Variants in PCDH9 observed in about 807,000 individuals in gnomAD.
The protein encoded by PCDH9 is protocadherin 9.
PCDH9 carries 24 observed loss-of-function variants against 70.6 expected under a neutral mutation model. The observed-to-expected ratio is 0.34, with a 90% CI of 0.25 to 0.48. PCDH9 has a LOEUF of 0.48. PCDH9 is among the 20% of genes least tolerant of loss of function. The pLI, the probability that PCDH9 is intolerant of heterozygous loss-of-function variation, is 0.99. For missense variants in PCDH9, 1,281 were observed against 1,503.6 expected (o/e 0.85, Z 2.45); for synonymous variants, 562 against 558.5 (o/e 1.01, Z -0.09).
intron 4 of PCDH9, among the ~76,000 whole-genome samples, chr13:66,484,766 T>C (rs1353832202): frequency 6.6e-6 from 1 of 152,158 alleles, no homozygotes; most frequent in African/African-American, 2.4e-5. Context: ...TCAAACTCTG[T>C]CCTGGGAATA....
intron 4 of PCDH9, among the ~76,000 whole-genome samples, chr13:66,415,130 A>T (rs2138333362): frequency 6.6e-6 from 1 of 152,270 alleles, no homozygotes; most frequent in South Asian, 2.1e-4. Context: ...AGATGAATAC[A>T]TTTTAGATAT....
intron 3 of PCDH9, among the ~76,000 whole-genome samples, chr13:66,638,438 C>T (rs1423496493): frequency 6.6e-6 from 1 of 151,992 alleles, no homozygotes; most frequent in Non-Finnish European, 1.5e-5. Context: ...AGATCTGTTG[C>T]CAGCCATAAA....
chr13:67,084,984 AAAAAAAAAAAAAAATAT>A (rs1326354069), intron 2 of PCDH9, among the ~76,000 whole-genome samples: 9 of 79,184 alleles, frequency 1.1e-4, no homozygotes, highest in Non-Finnish European at 1.5e-4. Context: ...AAAAAAAAAA[AAAAAAAAAAAAAAATAT>A]ATATATATAT....
At chr13:66,716,281 G>C (rs2078865151) in intron 3 of PCDH9, among the ~76,000 whole-genome samples, 1 of 152,168 alleles carries the variant, frequency 6.6e-6, no homozygotes, top group Non-Finnish European at 1.5e-5. Flanking sequence ...TGGGTTACTT[G>C]TTCCATGTTT....
At chr13:66,463,786 G>T (rs951524015) in intron 4 of PCDH9, among the ~76,000 whole-genome samples, 1 of 151,712 alleles carries the variant, frequency 6.6e-6, no homozygotes, top group African/African-American at 2.4e-5. Context: ...TATACAGCAG[G>T]AGAGATGAGG....
At chr13:66,594,979 G>C (rs7995531) in intron 4 of PCDH9, among the ~76,000 whole-genome samples, 20,727 of 145,818 alleles carry the variant, frequency 0.14, 1,686 homozygotes, top group Middle Eastern at 0.23. Flanking sequence ...CTTTTTCTTA[G>C]AGCATTTACT....
intron 3 of PCDH9, among the ~76,000 whole-genome samples, chr13:66,663,225 T>C (rs2078042263): frequency 6.6e-6 from 1 of 152,180 alleles, no homozygotes; most frequent in East Asian, 1.9e-4. Context: ...ATTTATGAGA[T>C]TGATGTCCTG....
chr13:66,502,498 T>C (rs955498397), intron 4 of PCDH9, among the ~76,000 whole-genome samples: 3 of 152,170 alleles, frequency 2.0e-5, no homozygotes, highest in African/African-American at 4.8e-5. Flanking sequence ...AACAAAACTA[T>C]ATAAACACAC....
At chr13:66,910,675 T>C (rs1487579875) in intron 2 of PCDH9, among the ~76,000 whole-genome samples, 4 of 152,210 alleles carry the variant, frequency 2.6e-5, no homozygotes, top group African/African-American at 4.8e-5. Flanking sequence ...TTTTATATGC[T>C]ATTCCAAGAT....
intron 4 of PCDH9, among the ~76,000 whole-genome samples, chr13:66,399,171 T>C (rs1338142070): frequency 6.6e-6 from 1 of 152,210 alleles, no homozygotes; most frequent in African/African-American, 2.4e-5. Context: ...ATATGAAATC[T>C]CCTAGCACAC....
chr13:66,587,595 G>C (rs2076980274), intron 4 of PCDH9, among the ~76,000 whole-genome samples: 1 of 151,992 alleles, frequency 6.6e-6, no homozygotes, highest in Non-Finnish European at 1.5e-5. Context: ...CTCAACCCCA[G>C]TTATTTATCA....
At chr13:66,882,867 T>C (rs575624353) in intron 3 of PCDH9, among the ~76,000 whole-genome samples, 35 of 152,194 alleles carry the variant, frequency 2.3e-4, no homozygotes, top group Non-Finnish European at 3.8e-4. Context: ...ATTATCTTAA[T>C]TGAAGATAAA....
At chr13:66,858,908 T>C (rs1191668583) in intron 3 of PCDH9, 1 of 152,220 alleles carries the variant, frequency 6.6e-6, no homozygotes, top group Admixed American at 6.5e-5. Flanking sequence ...AAGCCCCTTC[T>C]GTTGTCTCTC....
intron 2 of PCDH9, among the ~76,000 whole-genome samples, chr13:66,998,876 A>G (rs2084178009): frequency 6.6e-6 from 1 of 152,242 alleles, no homozygotes; most frequent in Admixed American, 6.5e-5. Flanking sequence ...ACACAATGAA[A>G]GCGCCACAAA....
intron 4 of PCDH9, among the ~76,000 whole-genome samples, chr13:66,470,217 T>C (rs1958591565): frequency 6.6e-6 from 1 of 152,144 alleles, no homozygotes; most frequent in Non-Finnish European, 1.5e-5. Flanking sequence ...TGTAGGTATA[T>C]ATATAGACAC....
At chr13:66,675,166 C>T (rs1408456487) in intron 3 of PCDH9, among the ~76,000 whole-genome samples, 1 of 152,066 alleles carries the variant, frequency 6.6e-6, no homozygotes, top group African/African-American at 2.4e-5. Flanking sequence ...CCTATACTCA[C>T]ATTTTGCAAA....
chr13:66,395,230 A>G (rs1267817814), intron 4 of PCDH9, among the ~76,000 whole-genome samples: 2 of 152,182 alleles, frequency 1.3e-5, no homozygotes, highest in African/African-American at 4.8e-5. Flanking sequence ...CAATTGAGGG[A>G]TCTTCTTGAG....
intron 4 of PCDH9, among the ~76,000 whole-genome samples, chr13:66,496,383 T>G (rs1433090842): frequency 6.6e-6 from 1 of 152,186 alleles, no homozygotes; most frequent in African/African-American, 2.4e-5. Flanking sequence ...TAGCTACTGA[T>G]TGTCCTAAAG....
chr13:66,801,933 A>G (rs1490373724), intron 3 of PCDH9, among the ~76,000 whole-genome samples: 1 of 152,040 alleles, frequency 6.6e-6, no homozygotes, highest in Non-Finnish European at 1.5e-5. Context: ...CAGGATAAGA[A>G]ATGTATATAT....
Sources: allele counts gnomAD v4.1 joint callset (sites outside exome capture counted in the v4.1 genomes callset), GRCh38; gene constraint gnomAD v4.1.1; transcripts MANE v1.5; gene names NCBI Gene and HGNC (gene_info 2026-07-23, HGNC 2026-07-21).